Variants in ARHGAP24 observed in about 807,000 individuals in gnomAD.
ARHGAP24 encodes the protein rho GTPase-activating protein 24.
ARHGAP24 carries 50 observed loss-of-function variants against 76.4 expected under a neutral mutation model. The ratio of observed to expected loss-of-function variants is 0.65; its 90% CI spans 0.52 to 0.83. The LOEUF (loss-of-function observed/expected upper bound fraction) is 0.83. ARHGAP24 is among the 40% of genes least tolerant of loss of function. The pLI is 0.00. For synonymous variants in ARHGAP24, 345 were observed against 323.3 expected (o/e 1.07, Z -0.72); for missense variants, 930 against 914.2 (o/e 1.02, Z -0.22).
intron 3 of ARHGAP24, among the ~76,000 whole-genome samples, chr4:85,797,184 TG>T (rs1444971782): frequency 6.6e-6 from 1 of 152,074 alleles, no homozygotes; most frequent in Admixed American, 6.5e-5. Flanking sequence ...TTTTTGTTTT[TG>T]TTTTTTGAGA....
chr4:85,951,448 G>A (rs149615338), intron 5 of ARHGAP24, among the ~76,000 whole-genome samples: 7 of 152,140 alleles, frequency 4.6e-5, no homozygotes, highest in South Asian at 2.1e-4. Context: ...GGGAACGTTC[G>A]TTAGTTCAAG....
intron 2 of ARHGAP24, among the ~76,000 whole-genome samples, chr4:85,660,815 A>AAAAAAAAAAC: frequency 6.7e-6 from 1 of 150,146 alleles, no homozygotes; most frequent in Non-Finnish European, 1.5e-5. Flanking sequence ...AAAAAAAAAA[A>AAAAAAAAAAC]AATCTGTAGA....
At chr4:85,824,603 T>C (rs1729626397) in intron 3 of ARHGAP24, among the ~76,000 whole-genome samples, 1 of 152,216 alleles carries the variant, frequency 6.6e-6, no homozygotes, top group Non-Finnish European at 1.5e-5. Flanking sequence ...CCAATTCTTC[T>C]GGATGCTTTC....
chr4:85,936,783 G>A (rs116020178), intron 4 of ARHGAP24, among the ~76,000 whole-genome samples: 1,537 of 152,236 alleles, frequency 0.01, 24 homozygotes, highest in African/African-American at 0.035. Flanking sequence ...GACTCTTACA[G>A]GATAAGGTTT....
intron 2 of ARHGAP24, among the ~76,000 whole-genome samples, chr4:85,680,465 C>T (rs1231470308): frequency 6.6e-6 from 1 of 152,132 alleles, no homozygotes; most frequent in East Asian, 1.9e-4. Context: ...AGAAGTTTCA[C>T]TTATCTTCTC....
intron 3 of ARHGAP24, among the ~76,000 whole-genome samples, chr4:85,817,684 G>A (rs1434636396): frequency 6.6e-6 from 1 of 152,180 alleles, no homozygotes; most frequent in African/African-American, 2.4e-5. Flanking sequence ...AAAAAGTACA[G>A]TGAAGGTAAT....
chr4:85,844,819 T>C (rs368634508), intron 3 of ARHGAP24, among the ~76,000 whole-genome samples: 21 of 152,326 alleles, frequency 1.4e-4, no homozygotes, highest in African/African-American at 1.9e-4. Flanking sequence ...CCAATTATAG[T>C]GTATGGAAAT....
intron 3 of ARHGAP24, among the ~76,000 whole-genome samples, chr4:85,900,713 A>G (rs1734444206): frequency 6.6e-6 from 1 of 152,182 alleles, no homozygotes; most frequent in Non-Finnish European, 1.5e-5. Flanking sequence ...GGGGTGAGCC[A>G]CTGCGCCCGG....
At chr4:85,502,299 T>C (rs954892131) in intron 1 of ARHGAP24, among the ~76,000 whole-genome samples, 2 of 152,192 alleles carry the variant, frequency 1.3e-5, no homozygotes, top group African/African-American at 2.4e-5. Flanking sequence ...ATTGAATCTA[T>C]AAATTACCTT....
chr4:85,512,468 G>C (rs1215467517), intron 1 of ARHGAP24, among the ~76,000 whole-genome samples: 1 of 152,180 alleles, frequency 6.6e-6, no homozygotes, highest in South Asian at 2.1e-4. Flanking sequence ...GGCCATTATA[G>C]TTTGTGCACT....
At chr4:85,884,234 C>T (rs1733427672) in intron 3 of ARHGAP24, among the ~76,000 whole-genome samples, 1 of 152,052 alleles carries the variant, frequency 6.6e-6, no homozygotes, top group Non-Finnish European at 1.5e-5. Context: ...TAAGGTTCTC[C>T]AACAAATCTC....
At chr4:85,708,809 A>T (rs1724413258) in intron 2 of ARHGAP24, among the ~76,000 whole-genome samples, 1 of 152,218 alleles carries the variant, frequency 6.6e-6, no homozygotes, top group Non-Finnish European at 1.5e-5. Flanking sequence ...CATATCTATT[A>T]TCATTTGACA....
intron 3 of ARHGAP24, among the ~76,000 whole-genome samples, chr4:85,829,624 GA>G (rs765740191): frequency 3.9e-5 from 6 of 152,226 alleles, no homozygotes; most frequent in Non-Finnish European, 8.8e-5. Flanking sequence ...TTCTATATGG[GA>G]ACCTGTACTA....
chr4:85,866,014 G>A (rs1396805527), intron 3 of ARHGAP24, among the ~76,000 whole-genome samples: 1 of 152,112 alleles, frequency 6.6e-6, no homozygotes, highest in African/African-American at 2.4e-5. Flanking sequence ...AATGTTTTCT[G>A]AGAATACTAA....
At chr4:85,488,356 A>T (rs1016802399) in intron 1 of ARHGAP24, among the ~76,000 whole-genome samples, 4 of 152,158 alleles carry the variant, frequency 2.6e-5, no homozygotes, top group Non-Finnish European at 4.4e-5. Context: ...ATAAAATTAC[A>T]GAAATATAAA....
At chr4:85,500,290 T>C (rs1026231338) in intron 1 of ARHGAP24, among the ~76,000 whole-genome samples, 1 of 152,212 alleles carries the variant, frequency 6.6e-6, no homozygotes, top group East Asian at 1.9e-4. Context: ...AGCCCAGATT[T>C]CTGTAGTGCT....
intron 1 of ARHGAP24, among the ~76,000 whole-genome samples, chr4:85,501,240 G>A (rs1723803246): frequency 6.6e-6 from 1 of 152,226 alleles, no homozygotes; most frequent in South Asian, 2.1e-4. Flanking sequence ...GTATACACCT[G>A]GTAATGGGAT....
At chr4:85,477,498 C>T (rs973392755) in intron 1 of ARHGAP24, among the ~76,000 whole-genome samples, 2 of 152,178 alleles carry the variant, frequency 1.3e-5, no homozygotes, top group African/African-American at 2.4e-5. Context: ...TGGGTGAAAT[C>T]CCCAGGGAAA....
intron 3 of ARHGAP24, among the ~76,000 whole-genome samples, chr4:85,756,053 G>T (rs1311014126): frequency 6.6e-6 from 1 of 152,060 alleles, no homozygotes; most frequent in Non-Finnish European, 1.5e-5. Context: ...TATAATAGAT[G>T]ATACAATACA....
Sources: gnomAD v4.1 joint callset for allele counts (sites outside exome capture counted in the v4.1 genomes callset) on GRCh38, gnomAD v4.1.1 for gene constraint, MANE v1.5 for transcripts, NCBI Gene and HGNC (gene_info 2026-07-23, HGNC 2026-07-21) for gene names.